The following FMO4 variants were observed in gnomAD, a reference collection of about 807,000 sequenced individuals.
FMO4 encodes flavin containing dimethylaniline monoxygenase 4, also known as dimethylaniline monooxygenase [N-oxide-forming] 4.
FMO4 carries 38 observed loss-of-function variants against 43.3 expected under a neutral mutation model. The observed-to-expected ratio is 0.88, with a 90% CI of 0.68 to 1.15. The LOEUF (loss-of-function observed/expected upper bound fraction) is 1.15, where lower values mean the gene tolerates loss of function less well. Among genes scored for constraint, FMO4 ranks in the 50% most tolerant of loss-of-function variants. The probability of loss-of-function intolerance (pLI) is 0.00; values close to 1 mark genes in which losing one functional copy is unlikely to be tolerated. For synonymous variants in FMO4, 224 were observed against 232.2 expected (o/e 0.96, Z 0.32); for missense variants, 631 against 663.3 (o/e 0.95, Z 0.54).
In FMO4 at chr1:171,324,311, TCTA is replaced by T; in HGVS notation, c.484+13_484+15del. 1 of 1,599,038 alleles carries T rather than the reference TCTA, an allele frequency of 6.3e-7. No homozygotes were observed. The highest frequency in any genetic ancestry group is 8.5e-7 in the Non-Finnish European group (1 of 1,171,980). ...TGGAAGCCTTTCCTGGTGAGTCATT[TCTA>T]CCTGAGACCATGCCTATGCTTCTGG... is the stretch of plus-strand genomic sequence containing the variant. On this transcript the variant is annotated intron_variant, in intron 5 of 9. Transcript: ENST00000367749.
chr1:171,334,248 A>AT lies in FMO4; in HGVS notation c.828-162dup, dbSNP rs1663018198. Reference sequence around the variant, plus strand: ...CTACTGAGAACAGAAACACAAAACCATGTTATAAACATACTAAGTCAAGTA... The same window carrying AT: ...CTACTGAGAACAGAAACACAAAACCATTGTTATAAACATACTAAGTCAAGTA... On this transcript the variant is annotated intron_variant, in intron 7 of 9. Transcript: ENST00000367749. 3.3e-5 allele frequency among the ~76,000 whole-genome samples: 5 copies of AT among 152,240 alleles called. No individual in the cohort carries two copies. The South Asian group carries it at 1.0e-3, about 31-fold the overall frequency.
At chr1:171,332,961 A>T in intron 7 of FMO4, 53 bp downstream of exon 7, 1 of 841,432 alleles carries the variant, frequency 1.2e-6, no homozygotes, top group Non-Finnish European at 2.0e-6. Flanking sequence ...ATTTATCATT[A>T]CATTTTATTC....
rs1662898955 is a variant in FMO4, at chr1:171,331,533, G to T, written c.485-107G>T. On this transcript the variant is annotated intron_variant, in intron 5 of 9. Transcript: ENST00000367749. ...CCTGCCACAAGCAGCATAAGCAAAGGACTGCCATAGTTGTGGGACTTCCCT... is the reference window on the plus strand; with the variant it reads ...CCTGCCACAAGCAGCATAAGCAAAGTACTGCCATAGTTGTGGGACTTCCCT... 5 of 1,003,112 alleles carry T rather than the reference G, an allele frequency of 5.0e-6. No homozygotes were observed. In the South Asian group the frequency reaches 7.8e-5, roughly 16 times the overall value. 62.1% of individuals were successfully genotyped at this position (1,003,112 alleles called of 1,614,324 possible). A position where few individuals can be genotyped will look rare whatever the true frequency, so the allele number is the denominator to read the frequency against.
intron 8 of FMO4, among the ~76,000 whole-genome samples, chr1:171,337,036 T>C (rs1214884693): frequency 1.3e-5 from 2 of 152,072 alleles, no homozygotes; most frequent in Non-Finnish European, 2.9e-5. Context: ...ATATTATTTA[T>C]ACAGCAAAAG....
chr1:171,316,241 A>C lies in FMO4; in HGVS notation c.-95A>C, dbSNP rs1662194689. On this transcript the variant is annotated 5_prime_UTR_variant, in exon 2 of 10. Transcript: ENST00000367749. ...CAGGCCTCTACCTAGTGGCCTGGAAATTCAAGTATTCTTATTGGTGGAGGC... is the reference window on the plus strand; with the variant it reads ...CAGGCCTCTACCTAGTGGCCTGGAACTTCAAGTATTCTTATTGGTGGAGGC... 6.6e-6 allele frequency: 1 copy of C among 152,184 alleles called. No homozygotes were observed. Among genetic ancestry groups the C allele is most frequent in the Non-Finnish European group, 1.5e-5 (1 of 68,034 alleles). The allele number at this position is 152,184 out of a possible 1,614,324, so 9.4% of individuals were successfully genotyped here.
intron 6 of FMO4, among the ~76,000 whole-genome samples, chr1:171,332,033 C>G (rs184694089): frequency 2.0e-5 from 3 of 152,294 alleles, no homozygotes; most frequent in Non-Finnish European, 4.4e-5. Flanking sequence ...TGCCAGACCT[C>G]TAAGCATTTT....
chr1:171,330,856 A>T (rs936411360), intron 5 of FMO4, among the ~76,000 whole-genome samples: 8 of 152,364 alleles, frequency 5.3e-5, no homozygotes, highest in Middle Eastern at 3.4e-3. Context: ...AAATATCATT[A>T]TAGCTGTGCT....
At chr1:171,339,195 T>G (rs914777933) in intron 9 of FMO4, among the ~76,000 whole-genome samples, 1 of 152,210 alleles carries the variant, frequency 6.6e-6, no homozygotes, top group African/African-American at 2.4e-5. Flanking sequence ...GTACATATGA[T>G]GCTTTCTGGT....
At chr1:171,336,691 T>A (rs1663131733) in intron 8 of FMO4, among the ~76,000 whole-genome samples, 1 of 152,048 alleles carries the variant, frequency 6.6e-6, no homozygotes, top group African/African-American at 2.4e-5. Context: ...GCAGCCTCCA[T>A]CTCCTGGGCT....
chr1:171,337,439 C>G lies in FMO4; in HGVS notation c.1250+14C>G. The G allele has an allele frequency of 6.3e-7, 1 of 1,578,288 alleles. No homozygotes were observed. The highest frequency in any genetic ancestry group is 8.7e-7 in the Non-Finnish European group (1 of 1,147,516). ...GCTCATTAAAAGGTATGAAATGTAG[C>G]TTGCTCTAGGGCAAACTTACAGTAT... is the stretch of plus-strand genomic sequence containing the variant. On this transcript the variant is annotated intron_variant, in intron 9 of 9. Transcript: ENST00000367749.
In FMO4 at chr1:171,341,807, T is replaced by C. The variant is rs758181610; in HGVS notation, c.1645T>C (p.Ser549Pro). The C allele has an allele frequency of 6.2e-7, 1 of 1,613,244 alleles. No individual in the cohort carries two copies. Among genetic ancestry groups the C allele is most frequent in the Non-Finnish European group, 8.5e-7 (1 of 1,179,520 alleles). Reference sequence around the variant, plus strand: ...GAGAGATAAACTACAGGACAGAATGTCCCCTTACCTAGTAAGTCTTTGGCG... The same window carrying C: ...GAGAGATAAACTACAGGACAGAATGCCCCCTTACCTAGTAAGTCTTTGGCG... ...LVRDKLQDRMSPYLVSLWRG is the reference protein window; with the variant it reads ...LVRDKLQDRMPPYLVSLWRG Residue 549 changes from serine (S) to proline (P), a missense_variant, in exon 10 of 10, where the codon TCC becomes CCC. Physicochemically the swap from Ser to Pro is moderately conservative, Grantham distance 74 (BLOSUM62 -1). Transcript: ENST00000367749.
At chr1:171,331,894 C>G (rs2294483) in intron 6 of FMO4, 112 bp downstream of exon 6, 390,528 of 844,832 alleles carry the variant, frequency 0.46, 96,364 homozygotes, top group African/African-American at 0.69. Flanking sequence ...TGCAGACACA[C>G]AGTAAGTGGG....
chr1:171,334,243 A>T (rs1663018090), intron 7 of FMO4, among the ~76,000 whole-genome samples, 168 bp from the exon 8 acceptor site: 1 of 152,212 alleles, frequency 6.6e-6, no homozygotes, highest in Non-Finnish European at 1.5e-5. Context: ...CAGAAACACA[A>T]AACCATGTTA....
At chr1:171,320,070 G>T in intron 3 of FMO4, 113 bp downstream of exon 3, 1 of 1,109,958 alleles carries the variant, frequency 9.0e-7, no homozygotes, top group Non-Finnish European at 1.3e-6. Context: ...TACTGCAACG[G>T]CACAAACAAG....
chr1:171,323,235 G>A, intron 4 of FMO4, 43 bp downstream of exon 4: 1 of 1,268,986 alleles, frequency 7.9e-7, no homozygotes, highest in South Asian at 1.3e-5. Flanking sequence ...ATGGGGGCTG[G>A]CCTATTCAGC....
At position 171,341,569 on chromosome 1, in the gene FMO4, T is replaced by C. The variant is rs1212169213; in HGVS notation, c.1407T>C (p.Tyr469=). 6.2e-7 allele frequency: 1 copy of C among 1,614,044 alleles called. No individual in the cohort carries two copies. The highest frequency in any genetic ancestry group is 8.5e-7 in the Non-Finnish European group (1 of 1,179,982). ...TTTTCTTTGGACCATGTACTCCTTA[T>C]CAGTACCGCCTCATGGGCCCTGGAA... ...WEVFFGPCTP[Y]QYRLMGPGKW... Residue 469 remains tyrosine (Y), a synonymous_variant, in exon 10 of 10, where the codon TAT becomes TAC. Transcript: ENST00000367749.
At chr1:171,320,657 T>C (rs145822995) in intron 3 of FMO4, among the ~76,000 whole-genome samples, 1 of 152,166 alleles carries the variant, frequency 6.6e-6, no homozygotes, top group African/African-American at 2.4e-5. Context: ...GGGTATCCAG[T>C]AGGGACTGAG....
chr1:171,314,502 T>A (rs1170938142), intron 1 of FMO4, 89 bp downstream of exon 1: 1 of 152,184 alleles, frequency 6.6e-6, no homozygotes, highest in Non-Finnish European at 1.5e-5. Flanking sequence ...GTGTGTTCCT[T>A]AAGAATGAAT....
intron 3 of FMO4, among the ~76,000 whole-genome samples, chr1:171,321,140 A>G (rs1662406168): frequency 6.6e-6 from 1 of 152,184 alleles, no homozygotes; most frequent in Non-Finnish European, 1.5e-5. Flanking sequence ...AGCTTCTGCT[A>G]TTTGACCCCA....
Sources: allele counts gnomAD v4.1 joint callset (sites outside exome capture counted in the v4.1 genomes callset), GRCh38; gene constraint gnomAD v4.1.1; transcripts MANE v1.5; gene names NCBI Gene and HGNC (gene_info 2026-07-23, HGNC 2026-07-21).